TUBB: variants seen among roughly 807,000 people sequenced by gnomAD.
The protein encoded by TUBB is tubulin beta chain.
In TUBB, 2 loss-of-function variants were observed where a neutral mutation model predicts 35.1. That is an observed-to-expected ratio of 0.06 (90% CI 0.02 to 0.18). The LOEUF (loss-of-function observed/expected upper bound fraction) is 0.18. Ranked by LOEUF, TUBB falls within the 10% of genes least tolerant of loss-of-function variation. The probability of loss-of-function intolerance (pLI) is 1.00; values close to 1 mark genes in which losing one functional copy is unlikely to be tolerated. For missense variants in TUBB, 50 were observed against 599.4 expected, an observed-to-expected ratio of 0.08 and a Z score of 9.57; for synonymous variants, 205 against 223.8, an observed-to-expected ratio of 0.92 and a Z score of 0.75.
In TUBB at chr6:30,724,346, C is replaced by T. The variant is rs1776481090; in HGVS notation, c.1284C>T (p.Ala428=). Residue 428 remains alanine (A), a synonymous_variant, in exon 4 of 4, where the codon GCC becomes GCT. Coordinates refer to ENST00000327892, the MANE Select transcript of TUBB (RefSeq NM_178014.4). This position sits in a 1 kb window ranked among gnomAD's most constrained non-coding sequence, Gnocchi z 4.4. ...CTGAGTATCAGCAGTACCAGGATGC[C>T]ACCGCAGAAGAGGAGGAGGATTTCG... ...LVSEYQQYQD[A]TAEEEEDFGE... 1 of 1,612,656 alleles carries T rather than the reference C, an allele frequency of 6.2e-7. No individual in the cohort carries two copies. Among genetic ancestry groups the T allele is most frequent in the East Asian group, 2.2e-5 (1 of 44,898 alleles).
At chr6:30,722,705 C>G in intron 2 of TUBB, 60 bp downstream of exon 2, 4 of 1,428,916 alleles carry the variant, frequency 2.8e-6, no homozygotes, top group Non-Finnish European at 2.9e-6. Flanking sequence ...TATCTGGGAT[C>G]TCTTTCCATT....
chr6:30,721,542 C>T lies in TUBB; in HGVS notation c.57+979C>T, dbSNP rs557317634. On this transcript the variant is annotated intron_variant, in intron 1 of 3. Transcript: ENST00000327892. ...GAATTTTTGTCCCTGGCCCCGCCCA[C>T]GCGCGAAGTCTTTTGTCGGCGGCTC... 1.6e-5 allele frequency: 16 copies of T among 985,222 alleles called. No homozygotes were observed. The African/African-American group carries it at 2.1e-4, about 13-fold the overall frequency. The allele number at this position is 985,222 out of a possible 1,614,324, so 61.0% of individuals were successfully genotyped here. A position where few individuals can be genotyped will look rare whatever the true frequency, so the allele number is the denominator to read the frequency against.
chr6:30,722,844 G>A, intron 2 of TUBB, 74 bp from the exon 3 acceptor site: 1 of 1,336,432 alleles, frequency 7.5e-7, no homozygotes. Flanking sequence ...GATCCCTGCT[G>A]TCTCCCATTT....
chr6:30,722,846 C>T (rs1210128883), intron 2 of TUBB, 72 bp from the exon 3 acceptor site: 2 of 1,346,802 alleles, frequency 1.5e-6, no homozygotes, highest in South Asian at 1.2e-5. Flanking sequence ...TCCCTGCTGT[C>T]TCCCATTTCC....
Position 30,723,875 on chromosome 6 carries a change from C to T in TUBB, c.813C>T (p.Ala271=), listed in dbSNP as rs560390544. 3.7e-6 allele frequency: 6 copies of T among 1,614,128 alleles called. No individual in the cohort carries two copies. In the South Asian group the frequency reaches 5.5e-5, roughly 15 times the overall value. ...PRLHFFMPGF[A]PLTSRGSQQY... ...TCCATTTCTTTATGCCTGGCTTTGC[C>T]CCTCTCACCAGCCGTGGAAGCCAGC... The change falls in exon 4 of 4, where the codon GCC becomes GCT. Residue 271 remains alanine (A), a synonymous_variant. Transcript: ENST00000327892.
At chr6:30,721,546 C>T in intron 1 of TUBB, 4 of 985,068 alleles carry the variant, frequency 4.1e-6, no homozygotes, top group Non-Finnish European at 4.8e-6. Flanking sequence ...CGCCCACGCG[C>T]GAAGTCTTTT....
In TUBB at chr6:30,725,248, C is replaced by T. The variant is rs1465148924; in HGVS notation, c.*851C>T. ...CCCCAGAGGAGAGGGGAACCCTCCT[C>T]CATCTTTTTTGCAACATCTCATTTC... On this transcript the variant is annotated 3_prime_UTR_variant, in exon 4 of 4. Transcript: ENST00000327892. 1 of 158,392 alleles carries T rather than the reference C, an allele frequency of 6.3e-6. No individual in the cohort carries two copies. The highest frequency in any genetic ancestry group is 2.4e-5 in the African/African-American group (1 of 41,500). The allele number at this position is 158,392 out of a possible 1,614,324, so 9.8% of individuals were successfully genotyped here.
chr6:30,723,434 A>G lies in TUBB; in HGVS notation c.372A>G (p.Ala124=). ...TCCTGGATGTGGTACGGAAGGAGGCAGAGAGCTGTGACTGCCTGCAGGGCT... is the reference window on the plus strand; with the variant it reads ...TCCTGGATGTGGTACGGAAGGAGGCGGAGAGCTGTGACTGCCTGCAGGGCT... ...DSVLDVVRKE[A]ESCDCLQGFQ... is the part of the protein sequence containing the mutation. Residue 124 remains alanine, a synonymous_variant, in exon 4 of 4, where the codon GCA becomes GCG. Transcript: ENST00000327892. 1 of 1,614,218 alleles carries G rather than the reference A, an allele frequency of 6.2e-7. No individual in the cohort carries two copies. The highest frequency in any genetic ancestry group is 8.5e-7 in the Non-Finnish European group (1 of 1,180,018).
intron 1 of TUBB, 91 bp downstream of exon 1, chr6:30,720,654 T>C (rs967332824): frequency 8.9e-7 from 1 of 1,119,108 alleles, no homozygotes; most frequent in Non-Finnish European, 1.3e-6. Context: ...GCACCCGCTA[T>C]CCTTAATCAA....
chr6:30,722,484 A>C, intron 1 of TUBB, 53 bp from the exon 2 acceptor site: 1 of 1,192,362 alleles, frequency 8.4e-7, no homozygotes, highest in Non-Finnish European at 1.2e-6. Context: ...GTAGTTGGGG[A>C]CATAGTTGGC....
chr6:30,721,930 G>A, intron 1 of TUBB: 1 of 977,566 alleles, frequency 1.0e-6, no homozygotes. Context: ...CAGGTCAGGG[G>A]TTCGAGACCA....
chr6:30,724,115 A>C lies in TUBB; in HGVS notation c.1053A>C (p.Thr351=). 2 of 1,614,178 alleles carry C rather than the reference A, an allele frequency of 1.2e-6. No individual in the cohort carries two copies. The highest frequency in any genetic ancestry group is 1.7e-6 in the Non-Finnish European group (2 of 1,179,998). ...FVEWIPNNVK[T]AVCDIPPRGL... ...AATGGATCCCCAACAATGTCAAGAC[A>C]GCCGTCTGTGACATCCCACCTCGTG... The change falls in exon 4 of 4, where the codon ACA becomes ACC. Residue 351 remains threonine (T), a synonymous_variant. Coordinates refer to ENST00000327892, the MANE Select transcript of TUBB (RefSeq NM_178014.4). The surrounding 1 kb of genome is among the most constrained non-coding windows in gnomAD (Gnocchi z 4.4).
intron 1 of TUBB, among the ~76,000 whole-genome samples, chr6:30,721,189 T>C (rs947164076): frequency 6.6e-6 from 1 of 152,204 alleles, no homozygotes; most frequent in Non-Finnish European, 1.5e-5. Context: ...AGAGACTTTT[T>C]TAGGGCGTGA....
intron 1 of TUBB, among the ~76,000 whole-genome samples, 174 bp downstream of exon 1, chr6:30,720,737 G>A (rs891532530): frequency 6.6e-6 from 1 of 152,224 alleles, no homozygotes; most frequent in Non-Finnish European, 1.5e-5. Flanking sequence ...TGGAAAGCTG[G>A]GAATCATTTT....
chr6:30,723,218 A>C (rs1424511407), intron 3 of TUBB, 122 bp from the exon 4 acceptor site: 1 of 976,726 alleles, frequency 1.0e-6, no homozygotes, highest in African/African-American at 1.7e-5. Context: ...TAGGGGGAGA[A>C]TATATCACAG....
In TUBB at chr6:30,721,737, C is replaced by T; in HGVS notation, c.58-800C>T. On this transcript the variant is annotated intron_variant, in intron 1 of 3. Coordinates refer to ENST00000327892, the MANE Select transcript of TUBB (RefSeq NM_178014.4). ...GTGTGGTCGACCTCCATCCGCCCAC[C>T]GAGCACTTGGGACCCGCTGCACATA... The T allele has an allele frequency of 4.1e-6, 4 of 985,190 alleles. No homozygotes were observed. In the South Asian group the frequency reaches 1.9e-4, roughly 46 times the overall value. 61.0% of individuals were successfully genotyped at this position (985,190 alleles called of 1,614,324 possible). A position where few individuals can be genotyped will look rare whatever the true frequency, so the allele number is the denominator to read the frequency against.
intron 1 of TUBB, 21 bp from the exon 2 acceptor site, chr6:30,722,516 C>G (rs1776354156): frequency 1.3e-6 from 2 of 1,580,476 alleles, no homozygotes; most frequent in Non-Finnish European, 1.7e-6. Flanking sequence ...CTGTTGTGGT[C>G]TCGTTGCTCC....
intron 3 of TUBB, 80 bp downstream of exon 3, chr6:30,723,108 G>A: frequency 8.2e-7 from 1 of 1,219,186 alleles, no homozygotes; most frequent in Non-Finnish European, 1.2e-6. Context: ...GCAAAAGTTA[G>A]GAGATGATTG....
intron 1 of TUBB, chr6:30,722,051 G>A (rs1289498088): frequency 3.9e-6 from 1 of 253,980 alleles, no homozygotes; most frequent in Non-Finnish European, 6.3e-6. Flanking sequence ...TACTCGAGAG[G>A]CTGAGATGGG....
Sources: allele counts gnomAD v4.1 joint callset (sites outside exome capture counted in the v4.1 genomes callset), GRCh38; gene constraint gnomAD v4.1.1; non-coding constraint Gnocchi (gnomAD v3.1); transcripts MANE v1.5; gene names NCBI Gene and HGNC (gene_info 2026-07-23, HGNC 2026-07-21).